WWOX: variants seen among roughly 807,000 people sequenced by gnomAD.
WWOX encodes the protein WW domain containing oxidoreductase.
WWOX carries 69 observed loss-of-function variants against 46.2 expected under a neutral mutation model. That is an observed-to-expected ratio of 1.49 (90% CI 1.23 to 1.82). The LOEUF (loss-of-function observed/expected upper bound fraction) is 1.82. Ranked by LOEUF, WWOX falls within the 40% of genes most tolerant of loss-of-function variation. WWOX has a pLI of 0.00. For missense variants in WWOX, 919 were observed against 542.6 expected (o/e 1.69, Z -6.89); for synonymous variants, 359 against 202.6 (o/e 1.77, Z -6.56).
In WWOX at chr16:78,909,818, G is replaced by A. The variant is rs1597137731; in HGVS notation, c.1057-301790G>A. ...AGGAAAACAGTGATATGAGAAAAGG[G>A]CCAGTTACTGTCTGGGAATCCATAA... On this transcript the variant is annotated intron_variant, in intron 8 of 8. Coordinates refer to ENST00000566780, the MANE Select transcript of WWOX (RefSeq NM_016373.4). Among the ~76,000 whole-genome samples, 3 of 152,294 alleles carry A rather than the reference G, an allele frequency of 2.0e-5. No individual in the cohort carries two copies. The East Asian group carries it at 5.8e-4, about 29-fold the overall frequency.
At chr16:78,193,964 G>A (rs2035966080) in intron 5 of WWOX, among the ~76,000 whole-genome samples, 1 of 151,040 alleles carries the variant, frequency 6.6e-6, no homozygotes, top group African/African-American at 2.4e-5. Context: ...TGCAAGCTCC[G>A]CCTCCCGGGT....
At chr16:78,292,525 C>T (rs1303062005) in intron 5 of WWOX, among the ~76,000 whole-genome samples, 4 of 152,126 alleles carry the variant, frequency 2.6e-5, no homozygotes, top group African/African-American at 9.7e-5. Context: ...ATCCACATTA[C>T]ACCCACATGC....
chr16:78,501,818 T>A (rs1171490899), intron 8 of WWOX, among the ~76,000 whole-genome samples: 11 of 152,134 alleles, frequency 7.2e-5, no homozygotes, highest in Non-Finnish European at 1.0e-4. Context: ...ATCTGAGAAG[T>A]TACGTGAAAC....
intron 5 of WWOX, among the ~76,000 whole-genome samples, chr16:78,240,715 C>T (rs1446765664): frequency 1.3e-5 from 2 of 152,156 alleles, no homozygotes; most frequent in Non-Finnish European, 2.9e-5. Flanking sequence ...TCGTGTTATG[C>T]ATTTGCTTAC....
intron 8 of WWOX, among the ~76,000 whole-genome samples, chr16:79,162,245 G>A (rs2050500774): frequency 6.6e-6 from 1 of 152,208 alleles, no homozygotes; most frequent in African/African-American, 2.4e-5. Context: ...CATTCTTTCA[G>A]TAAGTCATCA....
At chr16:78,172,232 C>T (rs1196113489) in intron 5 of WWOX, among the ~76,000 whole-genome samples, 1 of 152,218 alleles carries the variant, frequency 6.6e-6, no homozygotes, top group Admixed American at 6.5e-5. Context: ...CGCTGCGCTT[C>T]TTGTAATCTG....
At chr16:78,713,967 G>C (rs1403274228) in intron 8 of WWOX, among the ~76,000 whole-genome samples, 1 of 152,086 alleles carries the variant, frequency 6.6e-6, no homozygotes, top group African/African-American at 2.4e-5. Flanking sequence ...TCTCCAATTG[G>C]CTACGAGGGC....
intron 5 of WWOX, among the ~76,000 whole-genome samples, chr16:78,294,948 C>G (rs2079919834): frequency 6.6e-6 from 1 of 152,198 alleles, no homozygotes; most frequent in Admixed American, 6.5e-5. Flanking sequence ...CGACTTTCTA[C>G]TTTGTTTTCT....
intron 8 of WWOX, among the ~76,000 whole-genome samples, chr16:78,615,893 G>T (rs1386159124): frequency 1.3e-5 from 2 of 151,936 alleles, no homozygotes; most frequent in African/African-American, 4.8e-5. Context: ...TGGGACTACA[G>T]GCGCCCGCCA....
intron 5 of WWOX, among the ~76,000 whole-genome samples, chr16:78,176,835 G>T (rs2151748962): frequency 6.6e-6 from 1 of 152,318 alleles, no homozygotes; most frequent in East Asian, 1.9e-4. Context: ...GGCAGGAAGG[G>T]TGCTATTTTT....
At chr16:78,869,130 C>G (rs1422157216) in intron 8 of WWOX, among the ~76,000 whole-genome samples, 2 of 152,150 alleles carry the variant, frequency 1.3e-5, no homozygotes, top group African/African-American at 4.8e-5. Flanking sequence ...TTTAAATACA[C>G]TAGTATATGT....
chr16:79,029,223 G>A (rs148814062), intron 8 of WWOX, among the ~76,000 whole-genome samples: 91 of 152,266 alleles, frequency 6.0e-4, no homozygotes, highest in South Asian at 4.8e-3. Flanking sequence ...GCCCCACCCC[G>A]TCACGGCTGG....
chr16:78,373,730 T>C (rs568618992), intron 5 of WWOX, among the ~76,000 whole-genome samples: 1 of 152,198 alleles, frequency 6.6e-6, no homozygotes, highest in Non-Finnish European at 1.5e-5. Context: ...AAATAATTTC[T>C]GTATTTCATT....
intron 8 of WWOX, among the ~76,000 whole-genome samples, chr16:79,059,805 G>T (rs2048327636): frequency 6.6e-6 from 1 of 152,226 alleles, no homozygotes; most frequent in African/African-American, 2.4e-5. Flanking sequence ...TACCACGTGT[G>T]TCAGAGACAA....
intron 5 of WWOX, among the ~76,000 whole-genome samples, chr16:78,360,327 T>C (rs1339343679): frequency 1.3e-5 from 2 of 152,186 alleles, no homozygotes; most frequent in African/African-American, 4.8e-5. Flanking sequence ...GGCTCATGCC[T>C]GTAATCCCAG....
At chr16:78,733,625 T>C (rs113908320) in intron 8 of WWOX, among the ~76,000 whole-genome samples, 1,865 of 150,402 alleles carry the variant, frequency 0.012, 32 homozygotes, top group African/African-American at 0.042. Context: ...TATGGTGGTG[T>C]GTGCCTGTAG....
intron 8 of WWOX, among the ~76,000 whole-genome samples, chr16:78,788,089 T>C (rs528256160): frequency 7.9e-5 from 12 of 152,212 alleles, no homozygotes; most frequent in Non-Finnish European, 1.3e-4. Context: ...TCTCAATCTA[T>C]GGGTAGGCTT....
chr16:78,120,600 T>C (rs1343954867), intron 4 of WWOX, among the ~76,000 whole-genome samples: 2 of 151,436 alleles, frequency 1.3e-5, no homozygotes, highest in Non-Finnish European at 2.9e-5. Flanking sequence ...AAAAATTTCA[T>C]GCAGGGAATC....
At chr16:78,935,919 A>G (rs1364252987) in intron 8 of WWOX, among the ~76,000 whole-genome samples, 1 of 152,016 alleles carries the variant, frequency 6.6e-6, no homozygotes, top group Non-Finnish European at 1.5e-5. Flanking sequence ...CTCAAAATAA[A>G]ATAAAATAAA....
Sources: gnomAD v4.1 joint callset for allele counts (sites outside exome capture counted in the v4.1 genomes callset) on GRCh38, gnomAD v4.1.1 for gene constraint, MANE v1.5 for transcripts, NCBI Gene and HGNC (gene_info 2026-07-23, HGNC 2026-07-21) for gene names.